The following MUC22 variants were observed in gnomAD, a reference collection of about 807,000 sequenced individuals.
MUC22 encodes the protein mucin-22.
A neutral mutation model predicts 40.3 loss-of-function variants in MUC22; 24 were observed. That is an observed-to-expected ratio of 0.60 (90% CI 0.43 to 0.84). MUC22 has a LOEUF of 0.84. MUC22 is among the 40% of genes least tolerant of loss of function. The pLI is 0.00. For synonymous variants in MUC22, 765 were observed against 844.5 expected, an observed-to-expected ratio of 0.91 and a Z score of 1.63; for missense variants, 1,926 against 2,130.7, an observed-to-expected ratio of 0.90 and a Z score of 1.89.
Position 31,032,536 on chromosome 6 carries a change from A to AGTTGTGGCTGCT in MUC22, c.5015_5026dup (p.Val1672_Val1675dup), listed in dbSNP as rs1554302943. 13 of 1,535,538 alleles carry AGTTGTGGCTGCT rather than the reference A, an allele frequency of 8.5e-6. No homozygotes were observed. Among genetic ancestry groups the AGTTGTGGCTGCT allele is most frequent in the Non-Finnish European group, 1.1e-5 (13 of 1,146,888 alleles). On this transcript the variant is annotated inframe_insertion, in exon 3 of 4. Coordinates refer to ENST00000561890, the Ensembl canonical transcript of MUC22. The surrounding 1 kb of genome is among the most constrained non-coding windows in gnomAD (Gnocchi z 4.1). Reference sequence around the variant, plus strand: ...CTATCATCCTCATTTCCCTGGCTGCAGTTGTGGCTGCTGTTGGATTGTCAG... The same window carrying AGTTGTGGCTGCT: ...CTATCATCCTCATTTCCCTGGCTGCAGTTGTGGCTGCTGTTGTGGCTGCTGTTGGATTGTCAG...
At chr6:31,022,128 C>G (rs976611452) in intron 1 of MUC22, among the ~76,000 whole-genome samples, 1 of 152,116 alleles carries the variant, frequency 6.6e-6, no homozygotes, top group Non-Finnish European at 1.5e-5. Context: ...CCGAACACAT[C>G]TGAACATCAG....
At chr6:31,022,123 C>G (rs924548408) in intron 1 of MUC22, among the ~76,000 whole-genome samples, 4 of 152,096 alleles carry the variant, frequency 2.6e-5, no homozygotes, top group South Asian at 4.1e-4. Flanking sequence ...AAACTCCGAA[C>G]ACATCTGAAC....
chr6:31,024,911 G>A (rs1765151831), intron 1 of MUC22, among the ~76,000 whole-genome samples: 1 of 147,362 alleles, frequency 6.8e-6, no homozygotes, highest in Non-Finnish European at 1.5e-5. Flanking sequence ...GCCCTTGTTG[G>A]CCAGGCTGGA....
exon 4 of MUC22, chr6:31,034,791 T>C (rs1330527777): frequency 1.3e-6 from 2 of 1,535,682 alleles, no homozygotes; most frequent in East Asian, 4.9e-5. Flanking sequence ...GCCTGGGAAA[T>C]GCACTGGTTC....
intron 1 of MUC22, among the ~76,000 whole-genome samples, chr6:31,023,710 A>C (rs1765053029): frequency 6.6e-6 from 1 of 152,230 alleles, no homozygotes; most frequent in Admixed American, 6.5e-5. Flanking sequence ...CAAATAGGGT[A>C]AACAATAGGA....
chr6:31,025,608 A>G, exon 2 of MUC22: 2 of 1,523,510 alleles, frequency 1.3e-6, no homozygotes. Context: ...CTTCGGCCTT[A>G]ACTACAGGCT....
In MUC22 at chr6:31,025,815, C is replaced by G. The variant is rs529897513; in HGVS notation, c.384C>G (p.Ile128Met). The G allele has an allele frequency of 5.6e-5, 86 of 1,532,180 alleles. No homozygotes were observed. The South Asian group carries it at 9.3e-4, about 17-fold the overall frequency. 94.9% of individuals were successfully genotyped at this position (1,532,180 alleles called of 1,614,324 possible). ...GCTCCACTGCAGGCTCTGAAACTAT[C>G]GTGGCCTCCACCACAGTCTCTGGGA... The change falls in exon 2 of 4, where the codon ATC (isoleucine) becomes ATG (methionine). Residue 128 changes from isoleucine to methionine, a missense_variant. Around this residue, in one of 3 missense-constraint regions of MUC22, gnomAD observed 1,281 missense variants for 1,337.8 expected, o/e 0.96. Coordinates refer to ENST00000561890, the Ensembl canonical transcript of MUC22.
At chr6:31,010,028 GA>G (rs897415386), upstream of MUC22, among the ~76,000 whole-genome samples, 12 of 152,328 alleles carry the variant, frequency 7.9e-5, no homozygotes, top group South Asian at 1.9e-3. Context: ...GCACTCTGGA[GA>G]AAGCCGGGCG....
Position 31,025,586 on chromosome 6 carries a change from C to CTG in MUC22, c.155_156insTG (p.Met53AlafsTer8). 4 of 1,523,894 alleles carry CTG rather than the reference C, an allele frequency of 2.6e-6. No individual in the cohort carries two copies. In the Admixed American group the frequency reaches 7.9e-5, roughly 30 times the overall value. The allele number at this position is 1,523,894 out of a possible 1,614,324, so 94.4% of individuals were successfully genotyped here. A position where few individuals can be genotyped will look rare whatever the true frequency, so the allele number is the denominator to read the frequency against. On this transcript the variant is annotated frameshift_variant, in exon 2 of 4. Transcript: ENST00000561890. LOFTEE classifies it high-confidence loss of function. ...GGCTCTGAGACCACCATGGCCTCCACCATGGCCTCTACTTCGGCCTTAACT... is the reference window on the plus strand; with the variant it reads ...GGCTCTGAGACCACCATGGCCTCCACTGCATGGCCTCTACTTCGGCCTTAACT...
intron 1 of MUC22, among the ~76,000 whole-genome samples, chr6:31,021,200 C>T (rs1305767716): frequency 3.3e-5 from 5 of 152,376 alleles, no homozygotes; most frequent in South Asian, 2.1e-4. Context: ...CTGGTGAGGA[C>T]GTGGAGAGTC....
intron 3 of MUC22, among the ~76,000 whole-genome samples, chr6:31,034,289 C>A (rs141912712): frequency 0.011 from 1,622 of 152,322 alleles, 14 homozygotes; most frequent in African/African-American, 0.017. Context: ...CTGTTCTGAG[C>A]TTTCTTAGCT....
intron 1 of MUC22, among the ~76,000 whole-genome samples, chr6:31,019,601 C>T (rs1384025672): frequency 1.3e-5 from 2 of 152,172 alleles, no homozygotes; most frequent in African/African-American, 4.8e-5. Flanking sequence ...CGCCTGTAAT[C>T]CTAGCACTTT....
intron 1 of MUC22, among the ~76,000 whole-genome samples, chr6:31,021,535 T>C (rs1238992505): frequency 6.9e-6 from 1 of 145,982 alleles, no homozygotes; most frequent in Non-Finnish European, 1.5e-5. Context: ...CGGCACTCTG[T>C]ATCTAGCTCA....
intron 1 of MUC22, among the ~76,000 whole-genome samples, chr6:31,018,554 A>G (rs189907854): frequency 1.2e-3 from 186 of 152,286 alleles, no homozygotes; most frequent in Non-Finnish European, 9.3e-4. Flanking sequence ...TTATCTCTCC[A>G]TCGTTTGTCC....
chr6:31,021,142 C>T (rs1764698077), intron 1 of MUC22, among the ~76,000 whole-genome samples: 1 of 152,274 alleles, frequency 6.6e-6, no homozygotes, highest in African/African-American at 2.4e-5. Flanking sequence ...GCTCCACCTG[C>T]GGCCCCGGGG....
chr6:31,029,683 T>G (rs79051022), exon 2 of MUC22: 4 of 1,476,638 alleles, frequency 2.7e-6, no homozygotes, highest in Admixed American at 2.2e-5. Flanking sequence ...GGCCACCACA[T>G]CCTCTGCTGC....
chr6:31,028,519 A>G, exon 2 of MUC22: 2 of 1,531,660 alleles, frequency 1.3e-6, no homozygotes, highest in African/African-American at 1.4e-5. Context: ...GGCATCCATC[A>G]TGGGCTCTGA....
Position 31,032,654 on chromosome 6 carries a change from G to A in MUC22, c.5055+73G>A. On this transcript the variant is annotated intron_variant, in intron 3 of 3. Coordinates refer to ENST00000561890, the Ensembl canonical transcript of MUC22. The surrounding 1 kb of genome is among the most constrained non-coding windows in gnomAD (Gnocchi z 4.1). ...GGGGAATCATGTCAGCAGTGCTTTG[G>A]AAAAATCCAGAATGAGAAAGGGGAG... 7.0e-7 allele frequency: 1 copy of A among 1,436,884 alleles called. No homozygotes were observed. The highest frequency in any genetic ancestry group is 9.2e-7 in the Non-Finnish European group (1 of 1,086,776). The allele number at this position is 1,436,884 out of a possible 1,614,324, so 89.0% of individuals were successfully genotyped here.
Position 31,026,988 on chromosome 6 carries a change from T to A in MUC22, c.1557T>A (p.Phe519Leu). 1.3e-6 allele frequency: 2 copies of A among 1,492,800 alleles called. 1 individual carries two copies. Among genetic ancestry groups the A allele is most frequent in the Non-Finnish European group, 1.8e-6 (2 of 1,118,698 alleles). The allele number at this position is 1,492,800 out of a possible 1,614,324, so 92.5% of individuals were successfully genotyped here. A position where few individuals can be genotyped will look rare whatever the true frequency, so the allele number is the denominator to read the frequency against. Residue 519 changes from phenylalanine (F) to leucine (L), a missense_variant, in exon 2 of 4, where the codon TTT becomes TTA. Phe to Leu is a conservative substitution (Grantham distance 22). Around this residue, in one of 3 missense-constraint regions of MUC22, gnomAD observed 1,281 missense variants for 1,337.8 expected, o/e 0.96. Coordinates refer to ENST00000561890, the Ensembl canonical transcript of MUC22. ...AAGATTCTGAAACCAACACAGCATTTACTGAAGATTCTAAGACTACCACAG... is the reference window on the plus strand; with the variant it reads ...AAGATTCTGAAACCAACACAGCATTAACTGAAGATTCTAAGACTACCACAG...
Sources: gnomAD v4.1 joint callset for allele counts (sites outside exome capture counted in the v4.1 genomes callset) on GRCh38, gnomAD v4.1.1 for gene constraint, gnomAD v4.1.1 regional missense constraint, Gnocchi (gnomAD v3.1) non-coding constraint, MANE v1.5 for transcripts, NCBI Gene and HGNC (gene_info 2026-07-23, HGNC 2026-07-21) for gene names.